Variants in RSL1D1 observed in about 807,000 individuals in gnomAD.
RSL1D1 encodes ribosomal L1 domain containing 1, also known as ribosomal L1 domain-containing protein 1.
A neutral mutation model predicts 44.6 loss-of-function variants in RSL1D1; 34 were observed. That is an observed-to-expected ratio of 0.76 (90% CI 0.58 to 1.02). RSL1D1 has a LOEUF of 1.02. Ranked by LOEUF, RSL1D1 falls within the 50% of genes least tolerant of loss-of-function variation. The pLI is 0.00. For synonymous variants in RSL1D1, 271 were observed against 207.4 expected (o/e 1.31, Z -2.63); for missense variants, 767 against 568.1 (o/e 1.35, Z -3.56).
At chr16:11,848,091 A>G (rs1475004462) in intron 2 of RSL1D1, among the ~76,000 whole-genome samples, 1 of 152,106 alleles carries the variant, frequency 6.6e-6, no homozygotes, top group East Asian at 1.9e-4. Context: ...GTTTCTACTA[A>G]AATTATAAAA....
At chr16:11,845,890 G>A (rs559935869) in intron 5 of RSL1D1, among the ~76,000 whole-genome samples, 36 of 151,790 alleles carry the variant, frequency 2.4e-4, no homozygotes, top group African/African-American at 8.5e-4. Flanking sequence ...CCTGACTAAT[G>A]TTCTTGATTT....
chr16:11,844,870 G>A (rs1012683008), intron 5 of RSL1D1, among the ~76,000 whole-genome samples: 1 of 152,128 alleles, frequency 6.6e-6, no homozygotes, highest in Non-Finnish European at 1.5e-5. Context: ...CTGATACACT[G>A]CCAATAATAC....
rs8052900 is a variant in RSL1D1 at position 11,846,533 on chromosome 16, T to G, written c.603A>C (p.Thr201=). 6.3e-7 allele frequency: 1 copy of G among 1,595,254 alleles called. No homozygotes were observed. The highest frequency in any genetic ancestry group is 1.4e-5 in the African/African-American group (1 of 73,952). The stretch of plus-strand genomic sequence containing the variant: ...AACCACTTTTAGAAATGTTTAAGAC[T>G]GTTCCACCTATACAGTCATTGATCT... ...SREINDCIGG[T]VLNISKSGSC... The change falls in exon 5 of 9, where the codon ACA becomes ACC. Residue 201 remains threonine, a synonymous_variant. Coordinates refer to ENST00000571133, the MANE Select transcript of RSL1D1 (RefSeq NM_015659.3).
chr16:11,847,565 AAGT>A, intron 3 of RSL1D1, 100 bp downstream of exon 3: 1 of 1,007,136 alleles, frequency 9.9e-7, no homozygotes, highest in South Asian at 1.6e-5. Context: ...AAAAAGAGAA[AAGT>A]AGAAGAAAAA....
In RSL1D1 at chr16:11,850,426, G is replaced by A. The variant is rs2053829132; in HGVS notation, c.106-8C>T. On this transcript the variant is annotated splice_region_variant and splice_polypyrimidine_tract_variant and intron_variant, in intron 1 of 8. Transcript: ENST00000571133. ...GTCCACTGCCTTTCTAACCTGCAAA[G>A]TGGAAATTAGACAAATAAGTGAAAT... The A allele has an allele frequency of 6.3e-7, 1 of 1,587,694 alleles. No homozygotes were observed.
At chr16:11,846,894 G>A (rs1403226884) in intron 3 of RSL1D1, 51 bp from the exon 4 acceptor site, 3 of 1,482,042 alleles carry the variant, frequency 2.0e-6, no homozygotes, top group Non-Finnish European at 2.8e-6. Context: ...TCTAAACAAG[G>A]AGAAGAAATA....
rs2053753547 is a variant in RSL1D1 at position 11,839,984 on chromosome 16, T to G, written c.857A>C (p.Glu286Ala). The change falls in exon 8 of 9, where the codon GAG (glutamate) becomes GCG (alanine). Residue 286 changes from glutamate to alanine, a missense_variant and splice_region_variant. Physicochemically the swap from Glu to Ala is moderately radical, Grantham distance 107. Coordinates refer to ENST00000571133, the MANE Select transcript of RSL1D1 (RefSeq NM_015659.3). ...TCTTTCTCTTCGTTTTCTCCTTGCC[T>G]CCTACCAAAAAACACCATACAAACA... ...KRSLLNKKKKEARRKRRERNF... is the reference protein window; with the variant it reads ...KRSLLNKKKKAARRKRRERNF... 6.2e-7 allele frequency: 1 copy of G among 1,609,994 alleles called. No homozygotes were observed. Among genetic ancestry groups the G allele is most frequent in the Non-Finnish European group, 8.5e-7 (1 of 1,178,650 alleles).
At chr16:11,839,210 A>C (rs2053745009) in intron 8 of RSL1D1, among the ~76,000 whole-genome samples, 2 of 152,036 alleles carry the variant, frequency 1.3e-5, no homozygotes, top group South Asian at 2.1e-4. Context: ...TACCAAAAAC[A>C]CAAAAATTAG....
At chr16:11,839,151 A>G (rs1470571226) in intron 8 of RSL1D1, among the ~76,000 whole-genome samples, 1 of 151,654 alleles carries the variant, frequency 6.6e-6, no homozygotes, top group African/African-American at 2.4e-5. Flanking sequence ...GGATCACCTG[A>G]GGCCAGGAGT....
chr16:11,847,002 G>C (rs28594222), intron 3 of RSL1D1, among the ~76,000 whole-genome samples, 159 bp from the exon 4 acceptor site: 1 of 152,054 alleles, frequency 6.6e-6, no homozygotes, highest in Admixed American at 6.6e-5. Flanking sequence ...CAGGCACTAC[G>C]CTACATGCTG....
intron 7 of RSL1D1, 61 bp downstream of exon 7, chr16:11,841,634 C>T: frequency 6.7e-7 from 1 of 1,491,368 alleles, no homozygotes; most frequent in Non-Finnish European, 9.2e-7. Flanking sequence ...CTACTTCTCT[C>T]CTAGTGACTG....
At chr16:11,841,570 G>T in intron 7 of RSL1D1, 125 bp downstream of exon 7, 2 of 866,274 alleles carry the variant, frequency 2.3e-6, no homozygotes, top group Non-Finnish European at 3.5e-6. Context: ...AGTGACAAAA[G>T]CACAACCACC....
At chr16:11,843,043 T>C (rs2053773628) in intron 5 of RSL1D1, among the ~76,000 whole-genome samples, 1 of 150,436 alleles carries the variant, frequency 6.6e-6, no homozygotes, top group Non-Finnish European at 1.5e-5. Context: ...TGCCTCAGCC[T>C]CCCGAGTAGC....
At position 11,847,873 on chromosome 16, in the gene RSL1D1, C is replaced by T. The variant is rs535171483; in HGVS notation, c.246-67G>A. The T allele has an allele frequency of 1.8e-4, 264 of 1,464,284 alleles. 1 individual carries two copies. Among genetic ancestry groups the T allele is most frequent in the Non-Finnish European group, 2.4e-4 (253 of 1,059,334 alleles). The allele number at this position is 1,464,284 out of a possible 1,614,324, so 90.7% of individuals were successfully genotyped here. ...ACACATTATGCATGTTTGTATCACA[C>T]AGAATACGCGATAAACTTAGTGTTA... On this transcript the variant is annotated intron_variant, in intron 2 of 8. Transcript: ENST00000571133.
rs575306644 is a variant in RSL1D1, at chr16:11,843,922, AAT to A, written c.636-1924_636-1923del. Among the ~76,000 whole-genome samples the A allele has an allele frequency of 7.7e-4, 113 of 147,312 alleles. 2 individuals are homozygous for A. The Middle Eastern group carries it at 0.026, about 34-fold the overall frequency. The stretch of plus-strand genomic sequence containing the variant: ...AGTAAATAGTTCTTGTCCCTGGTGG[AAT>A]AGTGTCTTTCAGCTACGAGCAAGAC... On this transcript the variant is annotated intron_variant, in intron 5 of 8. Coordinates refer to ENST00000571133, the MANE Select transcript of RSL1D1 (RefSeq NM_015659.3).
intron 1 of RSL1D1, 50 bp downstream of exon 1, chr16:11,851,358 G>A (rs2053836235): frequency 6.4e-7 from 1 of 1,555,692 alleles, no homozygotes; most frequent in Non-Finnish European, 8.9e-7. Context: ...TGCGCCTCAC[G>A]AGGTAACCGC....
rs1280119901 is a variant in RSL1D1 at position 11,841,993 on chromosome 16, G to C, written c.643C>G (p.Arg215Gly). Residue 215 changes from arginine to glycine, a missense_variant, in exon 6 of 9, where the codon CGT becomes GGT. Coordinates refer to ENST00000571133, the MANE Select transcript of RSL1D1 (RefSeq NM_015659.3). ...ATTTGCATTCCAACGTGACCAATAC[G>C]TATAGCACTGAAATTTAATATAGTA... is the stretch of plus-strand genomic sequence containing the variant. Reference protein sequence around the residue: ...ISKSGSCSAIRIGHVGMQIEH... With the variant: ...ISKSGSCSAIGIGHVGMQIEH... 19 of 1,607,100 alleles carry C rather than the reference G, an allele frequency of 1.2e-5. No homozygotes were observed. Among genetic ancestry groups the C allele is most frequent in the Non-Finnish European group, 1.2e-5 (14 of 1,176,548 alleles).
At chr16:11,843,031 C>T (rs2053773505) in intron 5 of RSL1D1, among the ~76,000 whole-genome samples, 1 of 151,474 alleles carries the variant, frequency 6.6e-6, no homozygotes, top group Non-Finnish European at 1.5e-5. Flanking sequence ...AAGCGATTCT[C>T]CTGCCTCAGC....
In RSL1D1 at chr16:11,850,371, T is replaced by C. The variant is rs1212617286; in HGVS notation, c.153A>G (p.Lys51=). The change falls in exon 2 of 9, where the codon AAA becomes AAG. Residue 51 remains lysine (K), a synonymous_variant. Coordinates refer to ENST00000571133, the MANE Select transcript of RSL1D1 (RefSeq NM_015659.3). ...DALLTHCKSR[K]NNYGLLLNEN... ...CATTCAAAAGCAACCCATAATTGTTTTTCCTGGACTTGCAATGCGTCAAGA... is the reference window on the plus strand; with the variant it reads ...CATTCAAAAGCAACCCATAATTGTTCTTCCTGGACTTGCAATGCGTCAAGA... 11 of 1,601,074 alleles carry C rather than the reference T, an allele frequency of 6.9e-6. No individual in the cohort carries two copies. Among genetic ancestry groups the C allele is most frequent in the African/African-American group, 2.7e-5 (2 of 74,106 alleles).
Sources: gnomAD v4.1 joint callset for allele counts (sites outside exome capture counted in the v4.1 genomes callset) on GRCh38, gnomAD v4.1.1 for gene constraint, MANE v1.5 for transcripts, NCBI Gene and HGNC (gene_info 2026-07-23, HGNC 2026-07-21) for gene names.